PTP4A3: variants seen among roughly 807,000 people sequenced by gnomAD.
The protein encoded by PTP4A3 is protein tyrosine phosphatase 4A3.
Under a neutral mutation model 15.2 loss-of-function variants are expected in PTP4A3, and 9 were observed. The observed-to-expected ratio is 0.59, with a 90% CI of 0.36 to 1.03. PTP4A3 has a LOEUF of 1.03. PTP4A3 is among the 50% of genes least tolerant of loss of function. The pLI is 0.02. For synonymous variants in PTP4A3, 95 were observed against 102.0 expected (o/e 0.93, Z 0.41); for missense variants, 234 against 252.1 (o/e 0.93, Z 0.49).
intron 1 of PTP4A3, among the ~76,000 whole-genome samples, chr8:141,400,291 G>A (rs1320475297): frequency 1.3e-5 from 2 of 149,306 alleles, no homozygotes; most frequent in East Asian, 2.0e-4. Context: ...ATCTGTGCCC[G>A]GCCCACCACT....
At chr8:141,400,529 T>G (rs1447690635) in intron 1 of PTP4A3, among the ~76,000 whole-genome samples, 2 of 152,254 alleles carry the variant, frequency 1.3e-5, no homozygotes, top group East Asian at 3.8e-4. Context: ...TCTCTGGGTC[T>G]GGTCAGATGC....
intron 1 of PTP4A3, among the ~76,000 whole-genome samples, chr8:141,420,053 A>G (rs1389041356): frequency 6.6e-6 from 1 of 152,072 alleles, no homozygotes; most frequent in African/African-American, 2.4e-5. Flanking sequence ...CTCAAGCCCT[A>G]CCTGCACCTG....
At chr8:141,423,100 A>G (rs1197730266) in intron 2 of PTP4A3, among the ~76,000 whole-genome samples, 1 of 152,248 alleles carries the variant, frequency 6.6e-6, no homozygotes, top group African/African-American at 2.4e-5. Context: ...GTGCAGGGTC[A>G]TTTATGGCTG....
At chr8:141,421,230 A>T (rs569455192) in intron 1 of PTP4A3, among the ~76,000 whole-genome samples, 158 bp from the exon 2 acceptor site, 1 of 152,340 alleles carries the variant, frequency 6.6e-6, no homozygotes, top group South Asian at 2.1e-4. Flanking sequence ...CATATAAGGA[A>T]ATAGACCCAA....
chr8:141,424,103 G>A (rs1586563291), intron 2 of PTP4A3, among the ~76,000 whole-genome samples: 1 of 152,076 alleles, frequency 6.6e-6, no homozygotes, highest in South Asian at 2.1e-4. Flanking sequence ...GGCCTCTGAG[G>A]TACCCCATGG....
chr8:141,415,952 C>A (rs942515038), intron 1 of PTP4A3, among the ~76,000 whole-genome samples: 1 of 151,908 alleles, frequency 6.6e-6, no homozygotes, highest in Non-Finnish European at 1.5e-5. Flanking sequence ...GGACTTGGGC[C>A]CGCTCTGGGA....
At chr8:141,411,889 G>C (rs1339361847) in intron 1 of PTP4A3, among the ~76,000 whole-genome samples, 2 of 152,126 alleles carry the variant, frequency 1.3e-5, no homozygotes, top group African/African-American at 4.8e-5. Flanking sequence ...GCCCACCCTG[G>C]GTAGGCCCTG....
At chr8:141,393,568 C>A (rs1236270514) in intron 1 of PTP4A3, among the ~76,000 whole-genome samples, 1 of 152,168 alleles carries the variant, frequency 6.6e-6, no homozygotes, top group East Asian at 1.9e-4. Flanking sequence ...TGCGGACAGG[C>A]CCCCGCAGGC....
rs903676600 is a variant in PTP4A3 at position 141,425,028 on chromosome 8, C to T, written c.106-20C>T. 3 of 1,603,296 alleles carry T rather than the reference C, an allele frequency of 1.9e-6. No individual in the cohort carries two copies. On this transcript the variant is annotated intron_variant, in intron 2 of 5. Coordinates refer to ENST00000521578, the MANE Select transcript of PTP4A3 (RefSeq NM_032611.3). The surrounding 1 kb of genome is among the most constrained non-coding windows in gnomAD (Gnocchi z 4.2). ...TGCAGCCCCAGCCCAGCCCTGCCTCCTCCGTCCTCCCACCCCCAGGACCTG... is the reference window on the plus strand; with the variant it reads ...TGCAGCCCCAGCCCAGCCCTGCCTCTTCCGTCCTCCCACCCCCAGGACCTG...
chr8:141,424,498 G>A (rs369308833), intron 2 of PTP4A3, among the ~76,000 whole-genome samples: 96 of 152,200 alleles, frequency 6.3e-4, no homozygotes, highest in African/African-American at 1.9e-3. Context: ...CCATCCCTGC[G>A]GCTCAGCTGG....
At chr8:141,393,016 C>T (rs1235409322) in intron 1 of PTP4A3, among the ~76,000 whole-genome samples, 1 of 152,142 alleles carries the variant, frequency 6.6e-6, no homozygotes, top group Non-Finnish European at 1.5e-5. Context: ...GTCTGTGGAC[C>T]CTGGGGGCCC....
At chr8:141,429,187 C>T (rs1833728604) in intron 5 of PTP4A3, among the ~76,000 whole-genome samples, 1 of 152,260 alleles carries the variant, frequency 6.6e-6, no homozygotes, top group Non-Finnish European at 1.5e-5. Flanking sequence ...CTGCGCCTTC[C>T]CCAGTGTGCC....
rs1833861597 is a variant in PTP4A3, at chr8:141,431,252, C to T, written c.*208C>T. On this transcript the variant is annotated 3_prime_UTR_variant, in exon 6 of 6. Coordinates refer to ENST00000521578, the MANE Select transcript of PTP4A3 (RefSeq NM_032611.3). ...CCTGGGTGGCCTCTGGGCCCTTTCT[C>T]CTGTCTCCGCCACTCCCTCTGGCGG... 1.7e-6 allele frequency: 1 copy of T among 584,288 alleles called. No individual in the cohort carries two copies. Among genetic ancestry groups the T allele is most frequent in the African/African-American group, 1.9e-5 (1 of 53,382 alleles). The allele number at this position is 584,288 out of a possible 1,614,324, so 36.2% of individuals were successfully genotyped here. A position where few individuals can be genotyped will look rare whatever the true frequency, so the allele number is the denominator to read the frequency against.
chr8:141,418,179 G>T lies in PTP4A3; in HGVS notation c.-853-3209G>T, dbSNP rs151290914. On this transcript the variant is annotated intron_variant, in intron 1 of 5. Transcript: ENST00000521578. ...CGACCCCACCCGCGACTGGTTCCCC[G>T]GGACTCCCCAGAGCGCCCGCCTCAG... is the stretch of plus-strand genomic sequence containing the variant. Among the ~76,000 whole-genome samples the T allele has an allele frequency of 9.0e-3, 1,371 of 152,224 alleles. 27 individuals are homozygous for T. Among genetic ancestry groups the T allele is most frequent in the African/African-American group, 0.031 (1,296 of 41,564 alleles).
chr8:141,426,426 A>G lies in PTP4A3; in HGVS notation c.199-513A>G, dbSNP rs114958878. The G allele has an allele frequency of 7.5e-3, 7,366 of 985,322 alleles. 417 individuals carry two copies. The African/African-American group carries it at 0.12, about 16-fold the overall frequency. 61.0% of individuals were successfully genotyped at this position (985,322 alleles called of 1,614,324 possible). A position where few individuals can be genotyped will look rare whatever the true frequency, so the allele number is the denominator to read the frequency against. On this transcript the variant is annotated intron_variant, in intron 3 of 5. Coordinates refer to ENST00000521578, the MANE Select transcript of PTP4A3 (RefSeq NM_032611.3). Reference sequence around the variant, plus strand: ...ACCGCCTGTTTCGAGTCCTGCCCTCAGAAATGTGGGCCCTGTCTCGCCCCA... The same window carrying G: ...ACCGCCTGTTTCGAGTCCTGCCCTCGGAAATGTGGGCCCTGTCTCGCCCCA...
intron 1 of PTP4A3, among the ~76,000 whole-genome samples, chr8:141,394,825 T>C (rs1269192852): frequency 2.0e-5 from 3 of 152,234 alleles, no homozygotes; most frequent in Non-Finnish European, 2.9e-5. Context: ...TGGGAGTGGC[T>C]GTGGGCTGCA....
At chr8:141,405,630 T>C (rs1401946759) in intron 1 of PTP4A3, among the ~76,000 whole-genome samples, 3 of 152,210 alleles carry the variant, frequency 2.0e-5, no homozygotes, top group African/African-American at 7.2e-5. Context: ...ACCTGCTGTG[T>C]ACGGTGCCCA....
intron 1 of PTP4A3, among the ~76,000 whole-genome samples, chr8:141,417,486 C>T (rs1000537845): frequency 2.6e-5 from 4 of 152,092 alleles, no homozygotes; most frequent in Non-Finnish European, 5.9e-5. Context: ...CACGGCGGGG[C>T]CGCATTTCCA....
At position 141,424,959 on chromosome 8, in the gene PTP4A3, T is replaced by C. The variant is rs529695070; in HGVS notation, c.106-89T>C. 157 of 1,103,786 alleles carry C rather than the reference T, an allele frequency of 1.4e-4. No individual in the cohort carries two copies. The African/African-American group carries it at 2.2e-3, about 16-fold the overall frequency. 68.4% of individuals were successfully genotyped at this position (1,103,786 alleles called of 1,614,324 possible). ...CCTGGGTGACTGTGGGGGACACAGC[T>C]GTGCCCTGGGAGCCCTGGTGAGTGG... On this transcript the variant is annotated intron_variant, in intron 2 of 5. Coordinates refer to ENST00000521578, the MANE Select transcript of PTP4A3 (RefSeq NM_032611.3).
Sources: allele counts gnomAD v4.1 joint callset (sites outside exome capture counted in the v4.1 genomes callset), GRCh38; gene constraint gnomAD v4.1.1; non-coding constraint Gnocchi (gnomAD v3.1); transcripts MANE v1.5; gene names NCBI Gene and HGNC (gene_info 2026-07-23, HGNC 2026-07-21).